FABP6: variants seen among roughly 807,000 people sequenced by gnomAD.
The protein encoded by FABP6 is fatty acid binding protein 6, also known as gastrotropin.
Under a neutral mutation model 14.9 loss-of-function variants are expected in FABP6, and 13 were observed. The observed-to-expected ratio is 0.87, with a 90% confidence interval of 0.57 to 1.39. FABP6 has a LOEUF of 1.39. Ranked by LOEUF, FABP6 falls within the 40% of genes most tolerant of loss-of-function variation. FABP6 has a pLI of 0.00. For synonymous variants in FABP6, 75 were observed against 63.6 expected (o/e 1.18, Z -0.85); for missense variants, 161 against 167.2 (o/e 0.96, Z 0.20).
chr5:160,187,627 G>C (rs919141367), intron 1 of FABP6, among the ~76,000 whole-genome samples: 9 of 152,112 alleles, frequency 5.9e-5, no homozygotes, highest in Non-Finnish European at 7.4e-5. Context: ...GGGTGCAGGT[G>C]ATGGAAGCTG....
At chr5:160,199,031 CTTTTTGTGTCAT>C (rs1759572667) in intron 1 of FABP6, 10 of 1,522,678 alleles carry the variant, frequency 6.6e-6, no homozygotes, top group African/African-American at 1.4e-5. Flanking sequence ...AGCGTGCTGG[CTTTTTGTGTCAT>C]TGCAGACTTT....
At chr5:160,201,064 A>G (rs1165178172) in intron 2 of FABP6, among the ~76,000 whole-genome samples, 1 of 152,156 alleles carries the variant, frequency 6.6e-6, no homozygotes, top group Non-Finnish European at 1.5e-5. Context: ...ATAAGAAACT[A>G]GTAGTTTTGA....
At chr5:160,192,673 G>A (rs1265120640) in intron 1 of FABP6, among the ~76,000 whole-genome samples, 1 of 152,244 alleles carries the variant, frequency 6.6e-6, no homozygotes, top group Non-Finnish European at 1.5e-5. Flanking sequence ...CTCAGTCCTG[G>A]CTGAGGAACT....
chr5:160,205,376 G>A (rs1238145284), intron 2 of FABP6, among the ~76,000 whole-genome samples: 1 of 147,106 alleles, frequency 6.8e-6, no homozygotes, highest in Non-Finnish European at 1.5e-5. Flanking sequence ...ATATTTGCAT[G>A]TTCATACATG....
chr5:160,228,139 C>G (rs559623378), upstream of FABP6, among the ~76,000 whole-genome samples: 15 of 152,162 alleles, frequency 9.9e-5, no homozygotes, highest in Admixed American at 8.5e-4. Context: ...CGTCTGTAAT[C>G]CCAGCACTTT....
chr5:160,232,016 G>A (rs937706218), intron 1 of FABP6, 82 bp from the exon 2 acceptor site: 5 of 1,501,968 alleles, frequency 3.3e-6, no homozygotes, highest in Non-Finnish European at 2.7e-6. Context: ...AGGGCGGTGG[G>A]GGTGGGCAGG....
rs199674913 is a variant in FABP6, at chr5:160,202,908, C to CTT, written c.51+3760_51+3761dup. ...CAATGGGGTAACCAGAGAAGCTGGG[C>CTT]TTTTTTTTTTGAGATGGAGTTTCAC... On this transcript the variant is annotated intron_variant, in intron 2 of 6. Transcript: ENST00000393980. 5.5e-3 allele frequency among the ~76,000 whole-genome samples: 813 copies of CTT among 147,778 alleles called. 8 individuals are homozygous for CTT. The highest frequency in any genetic ancestry group is 0.019 in the African/African-American group (781 of 40,426).
At chr5:160,238,508 C>T (rs1346549769) in intron 3 of FABP6, 98 bp from the exon 4 acceptor site, 1 of 1,052,690 alleles carries the variant, frequency 9.5e-7, no homozygotes, top group Admixed American at 1.8e-5. Context: ...CTCTTATCTA[C>T]TCAAGGCCGG....
At chr5:160,199,622 A>G (rs1327940117) in intron 2 of FABP6, among the ~76,000 whole-genome samples, 2 of 151,958 alleles carry the variant, frequency 1.3e-5, no homozygotes, top group Non-Finnish European at 2.9e-5. Flanking sequence ...CTGTCTTGCC[A>G]TTCCTGTCTC....
rs1176280609 is a variant in FABP6 at position 160,238,695 on chromosome 5, C to A, written c.*36C>A. 6.2e-7 allele frequency: 1 copy of A among 1,605,464 alleles called. No homozygotes were observed. Among genetic ancestry groups the A allele is most frequent in the Non-Finnish European group, 8.5e-7 (1 of 1,172,418 alleles). On this transcript the variant is annotated 3_prime_UTR_variant, in exon 4 of 4. Coordinates refer to ENST00000402432, the MANE Select transcript of FABP6 (RefSeq NM_001445.3). ...CCGGCCCAGGGAGCTACAAACCCACCAATAAAACTGATATAAGGACAGACG... is the reference window on the plus strand; with the variant it reads ...CCGGCCCAGGGAGCTACAAACCCACAAATAAAACTGATATAAGGACAGACG...
At chr5:160,226,490 G>C, upstream of FABP6, among the ~76,000 whole-genome samples, 1 of 151,658 alleles carries the variant, frequency 6.6e-6, no homozygotes, top group East Asian at 1.9e-4. Flanking sequence ...GAACCTGGGA[G>C]GCGGAGGTTG....
chr5:160,219,437 C>T (rs1400559433), intron 3 of FABP6, among the ~76,000 whole-genome samples: 1 of 152,144 alleles, frequency 6.6e-6, no homozygotes, highest in Admixed American at 6.6e-5. Flanking sequence ...GATATGGAGG[C>T]AGTTTGAGTT....
rs1760321990 is a variant in FABP6 at position 160,229,538 on chromosome 5, G to A, written c.-20G>A. On this transcript the variant is annotated 5_prime_UTR_variant, in exon 1 of 4. Transcript: ENST00000402432. ...ATTCTCCTCATCCCTCTGCTCTCTG[G>A]CCTCCAGCCTCCCAGCAGCATGGCT... 6.2e-7 allele frequency: 1 copy of A among 1,613,716 alleles called. No individual in the cohort carries two copies. Among genetic ancestry groups the A allele is most frequent in the African/African-American group, 1.3e-5 (1 of 74,926 alleles).
intron 1 of FABP6, among the ~76,000 whole-genome samples, chr5:160,189,128 C>T (rs1341910572): frequency 2.0e-5 from 3 of 152,130 alleles, no homozygotes; most frequent in African/African-American, 7.2e-5. Context: ...TCATTGTAGC[C>T]AAGGCAGCCA....
intron 1 of FABP6, among the ~76,000 whole-genome samples, chr5:160,195,340 G>A (rs1007403808): frequency 2.0e-5 from 3 of 150,952 alleles, no homozygotes; most frequent in Admixed American, 6.6e-5. Context: ...CAGCACAAGG[G>A]GTTGAGAACA....
At chr5:160,192,799 G>C (rs1023697865) in intron 1 of FABP6, among the ~76,000 whole-genome samples, 1 of 152,250 alleles carries the variant, frequency 6.6e-6, no homozygotes. Flanking sequence ...GATAATGCCA[G>C]TGTGGCTCCT....
chr5:160,189,403 G>A (rs544733881), intron 1 of FABP6, among the ~76,000 whole-genome samples: 84 of 151,974 alleles, frequency 5.5e-4, no homozygotes, highest in African/African-American at 1.7e-3. Flanking sequence ...CACCACACCC[G>A]GCTAATTTTG....
chr5:160,224,776 C>CT (rs905485811), upstream of FABP6, among the ~76,000 whole-genome samples: 2 of 115,888 alleles, frequency 1.7e-5, no homozygotes, highest in African/African-American at 7.4e-5. Context: ...TAATTTTTTC[C>CT]TTTTTTTTTC....
At chr5:160,199,399 G>A (rs983792986) in intron 2 of FABP6, among the ~76,000 whole-genome samples, 1 of 152,206 alleles carries the variant, frequency 6.6e-6, no homozygotes, top group Non-Finnish European at 1.5e-5. Flanking sequence ...ACTTGGAGTA[G>A]TGGCAGGTTC....
Sources: allele counts gnomAD v4.1 joint callset (sites outside exome capture counted in the v4.1 genomes callset), GRCh38; gene constraint gnomAD v4.1.1; transcripts MANE v1.5; gene names NCBI Gene and HGNC (gene_info 2026-07-23, HGNC 2026-07-21).